ADCYAP1R1: variants seen among roughly 807,000 people sequenced by gnomAD.
The protein encoded by ADCYAP1R1 is ADCYAP receptor type I, also known as pituitary adenylate cyclase-activating polypeptide type I receptor.
A neutral mutation model predicts 67.6 loss-of-function variants in ADCYAP1R1; 44 were observed. That is an observed-to-expected ratio of 0.65 (90% CI 0.51 to 0.84). ADCYAP1R1 has a LOEUF of 0.84. Among genes scored for constraint, ADCYAP1R1 ranks in the 40% least tolerant of loss-of-function variants. ADCYAP1R1 has a pLI of 0.00. For synonymous variants in ADCYAP1R1, 222 were observed against 219.6 expected, an observed-to-expected ratio of 1.01 and a Z score of -0.10; for missense variants, 477 against 587.9, an observed-to-expected ratio of 0.81 and a Z score of 1.95.
chr7:31,091,315 G>C (rs934466643), intron 12 of ADCYAP1R1, among the ~76,000 whole-genome samples: 4 of 152,150 alleles, frequency 2.6e-5, no homozygotes, highest in African/African-American at 9.7e-5. Flanking sequence ...CTGGATATTA[G>C]ACCTTTGTTG....
At chr7:31,054,164 A>C (rs1457837654) in intron 1 of ADCYAP1R1, among the ~76,000 whole-genome samples, 1 of 152,206 alleles carries the variant, frequency 6.6e-6, no homozygotes, top group East Asian at 1.9e-4. Context: ...GCCCTGGGCC[A>C]GCTCTTCCAA....
At chr7:31,073,840 T>TGGGTACTG (rs1220537399) in intron 3 of ADCYAP1R1, among the ~76,000 whole-genome samples, 1 of 152,182 alleles carries the variant, frequency 6.6e-6, no homozygotes, top group Non-Finnish European at 1.5e-5. Context: ...ACATTGTCTT[T>TGGGTACTG]GGGTCCTGGG....
At position 31,085,293 on chromosome 7, in the gene ADCYAP1R1, C is replaced by G. The variant is rs370152344; in HGVS notation, c.537-17C>G. 2 of 1,610,522 alleles carry G rather than the reference C, an allele frequency of 1.2e-6. No homozygotes were observed. The highest frequency in any genetic ancestry group is 1.7e-6 in the Non-Finnish European group (2 of 1,178,364). On this transcript the variant is annotated splice_polypyrimidine_tract_variant and intron_variant, in intron 8 of 15. Coordinates refer to ENST00000304166, the MANE Select transcript of ADCYAP1R1 (RefSeq NM_001118.5). ...GTGGGGTCCAAGGCTTCTTTCTCCC[C>G]TGGCCCACTCATGTAGGAAGCTGCA...
rs903340336 is a variant in ADCYAP1R1 at position 31,086,559 on chromosome 7, G to A, written c.823+22G>A. 1 of 1,613,674 alleles carries A rather than the reference G, an allele frequency of 6.2e-7. No individual in the cohort carries two copies. The highest frequency in any genetic ancestry group is 8.5e-7 in the Non-Finnish European group (1 of 1,179,762). On this transcript the variant is annotated intron_variant, in intron 10 of 15. Transcript: ENST00000304166. This position sits in a 1 kb window ranked among gnomAD's most constrained non-coding sequence, Gnocchi z 5.0. ...TGGGGTAGGTTCCTGGCTGTGGCTTGGACAGGTTCAGGTCCCGTGGTCAGG... is the reference window on the plus strand; with the variant it reads ...TGGGGTAGGTTCCTGGCTGTGGCTTAGACAGGTTCAGGTCCCGTGGTCAGG...
intron 13 of ADCYAP1R1, among the ~76,000 whole-genome samples, chr7:31,094,364 T>G (rs1005420755): frequency 6.6e-6 from 1 of 152,042 alleles, no homozygotes; most frequent in African/African-American, 2.4e-5. Flanking sequence ...GCTCGCCTCA[T>G]CTCCTGTCTA....
intron 2 of ADCYAP1R1, among the ~76,000 whole-genome samples, 170 bp from the exon 3 acceptor site, chr7:31,064,661 G>A (rs76736792): frequency 0.029 from 4,396 of 152,202 alleles, 208 homozygotes; most frequent in African/African-American, 0.1. Flanking sequence ...CCCTTATGGT[G>A]TCTCTCAAGG....
intron 3 of ADCYAP1R1, among the ~76,000 whole-genome samples, chr7:31,077,561 T>C (rs1368237174): frequency 1.3e-5 from 2 of 149,982 alleles, no homozygotes; most frequent in Admixed American, 6.7e-5. Context: ...GTGTGGTGCA[T>C]GTGTGATGTG....
In ADCYAP1R1 at chr7:31,106,504, G is replaced by A. The variant is rs148640328; in HGVS notation, c.1227G>A (p.Ala409=). The change falls in exon 16 of 16, where the codon GCG becomes GCA. Residue 409 remains alanine, a synonymous_variant. Transcript: ENST00000304166. ...LYCFLNGEVQ[A]EIKRKWRSWK... is the part of the protein sequence containing the mutation. ...CAGTTTGCTCCCTGCAGGTACAAGC[G>A]GAGATCAAGCGAAAATGGCGAAGCT... 339 of 1,607,972 alleles carry A rather than the reference G, an allele frequency of 2.1e-4. 1 individual carries two copies. In the African/African-American group the frequency reaches 3.2e-3, roughly 15 times the overall value.
At chr7:31,082,958 T>G (rs1268171042) in intron 6 of ADCYAP1R1, among the ~76,000 whole-genome samples, 2 of 152,244 alleles carry the variant, frequency 1.3e-5, no homozygotes, top group African/African-American at 4.8e-5. Context: ...TGGAAGGATC[T>G]CTTCTCTTGG....
Position 31,086,897 on chromosome 7 carries a change from T to A in ADCYAP1R1, c.824-46T>A. 6.3e-7 allele frequency: 1 copy of A among 1,596,322 alleles called. No individual in the cohort carries two copies. On this transcript the variant is annotated intron_variant, in intron 10 of 15. Coordinates refer to ENST00000304166, the MANE Select transcript of ADCYAP1R1 (RefSeq NM_001118.5). The surrounding 1 kb of genome is among the most constrained non-coding windows in gnomAD (Gnocchi z 5.0). ...CCAGGTCTACGGTGGACATTGGACA[T>A]GTTGGTTTTCCTGTTCTCACGGACC...
chr7:31,053,157 G>A lies in ADCYAP1R1; in HGVS notation c.-72+479G>A, dbSNP rs919374598. Among the ~76,000 whole-genome samples, 3 of 152,340 alleles carry A rather than the reference G, an allele frequency of 2.0e-5. No individual in the cohort carries two copies. In the East Asian group the frequency reaches 5.8e-4, roughly 30 times the overall value. ...GGGCTAGGTACCGCAATCCGCACGG[G>A]GTTTGAGGGGTGGGCAAGCAATGTG... On this transcript the variant is annotated intron_variant, in intron 1 of 15. Transcript: ENST00000304166.
At position 31,084,668 on chromosome 7, in the gene ADCYAP1R1, C is replaced by G. The variant is rs572424546; in HGVS notation, c.439-69C>G. The G allele has an allele frequency of 6.7e-6, 9 of 1,336,434 alleles. No individual in the cohort carries two copies. In the African/African-American group the frequency reaches 8.6e-5, roughly 13 times the overall value. 82.8% of individuals were successfully genotyped at this position (1,336,434 alleles called of 1,614,324 possible). ...AGGCCCTGGCCTGGGAGACTGGGTG[C>G]AGGCCTGAGGCAGCCTGGCTGTGGG... On this transcript the variant is annotated intron_variant, in intron 7 of 15. Transcript: ENST00000304166.
intron 12 of ADCYAP1R1, among the ~76,000 whole-genome samples, chr7:31,087,988 A>C (rs1413271868): frequency 6.6e-6 from 1 of 152,242 alleles, no homozygotes; most frequent in African/African-American, 2.4e-5. Flanking sequence ...TGCTGGGTTG[A>C]AAGGGGTACA....
chr7:31,095,855 G>T (rs2128635913), intron 13 of ADCYAP1R1: 1 of 654,010 alleles, frequency 1.5e-6, no homozygotes, highest in Admixed American at 2.3e-5. Flanking sequence ...TGGGGCCTCT[G>T]CGGGGGGACG....
intron 1 of ADCYAP1R1, among the ~76,000 whole-genome samples, chr7:31,053,801 G>A (rs1461105715): frequency 2.6e-5 from 4 of 152,188 alleles, no homozygotes; most frequent in Non-Finnish European, 4.4e-5. Flanking sequence ...TTGGGGGATG[G>A]GAAGGGGCTG....
At chr7:31,072,248 TCCAGGTTTCTA>T (rs1212607482) in intron 3 of ADCYAP1R1, among the ~76,000 whole-genome samples, 2 of 152,116 alleles carry the variant, frequency 1.3e-5, no homozygotes, top group Admixed American at 1.3e-4. Flanking sequence ...CATTCAGGGA[TCCAGGTTTCTA>T]CCATCTTGGA....
At chr7:31,084,091 G>T in intron 6 of ADCYAP1R1, 50 bp from the exon 7 acceptor site, 1 of 1,509,626 alleles carries the variant, frequency 6.6e-7, no homozygotes, top group South Asian at 1.1e-5. Context: ...AAGAATTTCA[G>T]GGCCCTCTTA....
intron 4 of ADCYAP1R1, among the ~76,000 whole-genome samples, chr7:31,078,870 G>A (rs545985974): frequency 1.8e-4 from 28 of 152,340 alleles, no homozygotes; most frequent in South Asian, 8.3e-4. Context: ...GCGGGTGTGC[G>A]ATGGCGCCTC....
intron 3 of ADCYAP1R1, among the ~76,000 whole-genome samples, chr7:31,076,428 C>T (rs549339964): frequency 4.3e-4 from 65 of 152,212 alleles, no homozygotes; most frequent in Admixed American, 1.2e-3. Context: ...GGCAGGCACC[C>T]GGGAGAGGGG....
Sources: gnomAD v4.1 joint callset for allele counts (sites outside exome capture counted in the v4.1 genomes callset) on GRCh38, gnomAD v4.1.1 for gene constraint, Gnocchi (gnomAD v3.1) non-coding constraint, MANE v1.5 for transcripts, NCBI Gene and HGNC (gene_info 2026-07-23, HGNC 2026-07-21) for gene names.